Variants in LAMA3 observed in about 807,000 individuals in gnomAD.
LAMA3 encodes the protein laminin subunit alpha 3.
Under a neutral mutation model 402.0 loss-of-function variants are expected in LAMA3, and 281 were observed. That is an observed-to-expected ratio of 0.70 (90% CI 0.63 to 0.77). The LOEUF is 0.77. LAMA3 is among the 30% of genes least tolerant of loss of function. LAMA3 has a pLI of 0.00. For missense variants in LAMA3, 3,840 were observed against 4,215.5 expected, an observed-to-expected ratio of 0.91 and a Z score of 2.47; for synonymous variants, 1,431 against 1,558.4, an observed-to-expected ratio of 0.92 and a Z score of 1.93.
Position 23,689,555 on chromosome 18 carries a change from C to T in LAMA3, c.-129C>T. 1.1e-6 allele frequency: 1 copy of T among 921,384 alleles called. No individual in the cohort carries two copies. The highest frequency in any genetic ancestry group is 1.4e-6 in the Non-Finnish European group (1 of 709,912). The allele number at this position is 921,384 out of a possible 1,614,324, so 57.1% of individuals were successfully genotyped here. A position where few individuals can be genotyped will look rare whatever the true frequency, so the allele number is the denominator to read the frequency against. On this transcript the variant is annotated 5_prime_UTR_variant, in exon 1 of 75. Coordinates refer to ENST00000313654, the MANE Select transcript of LAMA3 (RefSeq NM_198129.4). ...CCAGCGCGTGGAGCAAGGGGAGCGG[C>T]CCCGGCGCCGCCCATATCCCCGGCT...
At chr18:23,943,440 G>A (rs1440386525) in intron 68 of LAMA3, among the ~76,000 whole-genome samples, 2 of 152,168 alleles carry the variant, frequency 1.3e-5, no homozygotes, top group Admixed American at 6.5e-5. Context: ...CACATTTTAG[G>A]TTAGCGTATT....
At chr18:23,933,971 C>T in intron 67 of LAMA3, 36 bp downstream of exon 67, 1 of 1,605,016 alleles carries the variant, frequency 6.2e-7, no homozygotes, top group East Asian at 2.2e-5. Context: ...TTTCCCTCTT[C>T]CCTGGAGGAT....
intron 12 of LAMA3, among the ~76,000 whole-genome samples, chr18:23,808,745 T>C (rs1266856691): frequency 1.3e-5 from 2 of 152,214 alleles, no homozygotes; most frequent in African/African-American, 4.8e-5. Context: ...TCGTTCACCA[T>C]CATTTACTAA....
Position 23,915,311 on chromosome 18 carries a change from C to A in LAMA3, c.7667C>A (p.Pro2556His). Residue 2556 changes from proline to histidine, a missense_variant, in exon 59 of 75, where the codon CCT (proline) becomes CAT (histidine). Physicochemically the swap from Pro to His is moderately conservative, Grantham distance 77 (BLOSUM62 -2). Transcript: ENST00000313654. ...CAGCTTCCCAGTCGACTAAGTTTCC[C>A]TCCATACAAAGGTTGTATTGAATTA... Reference protein sequence around the residue: ...DFKLPSRLSFPPYKGCIELDD... With the variant: ...DFKLPSRLSFHPYKGCIELDD... The A allele has an allele frequency of 6.2e-7, 1 of 1,613,634 alleles. No individual in the cohort carries two copies. Among genetic ancestry groups the A allele is most frequent in the South Asian group, 1.1e-5 (1 of 91,052 alleles).
At chr18:23,711,552 A>C (rs1203838482) in intron 1 of LAMA3, among the ~76,000 whole-genome samples, 2 of 152,224 alleles carry the variant, frequency 1.3e-5, no homozygotes, top group Non-Finnish European at 1.5e-5. Context: ...GTGATTATGC[A>C]TGGATGTATA....
intron 68 of LAMA3, among the ~76,000 whole-genome samples, chr18:23,941,326 G>GCCC (rs202068459): frequency 2.5e-4 from 10 of 40,054 alleles, no homozygotes; most frequent in South Asian, 5.9e-4. Context: ...TCAGCTTGGC[G>GCCC]CCCCCCCCCC....
intron 38 of LAMA3, among the ~76,000 whole-genome samples, chr18:23,875,053 T>C (rs1253286508): frequency 6.6e-6 from 1 of 152,112 alleles, no homozygotes; most frequent in Non-Finnish European, 1.5e-5. Context: ...TTGGTAGAGA[T>C]GAGGTTTCAC....
chr18:23,820,008 C>T lies in LAMA3; in HGVS notation c.2304+11C>T, dbSNP rs201601913. ...ATGACCTCAGTACAGGTACGCAACCCGAAGAGAGCAGCTTCATGGCTGAGT... is the reference window on the plus strand; with the variant it reads ...ATGACCTCAGTACAGGTACGCAACCTGAAGAGAGCAGCTTCATGGCTGAGT... On this transcript the variant is annotated intron_variant, in intron 19 of 74. Coordinates refer to ENST00000313654, the MANE Select transcript of LAMA3 (RefSeq NM_198129.4). 7.1e-5 allele frequency: 115 copies of T among 1,613,850 alleles called. 1 individual carries two copies. In the South Asian group the frequency reaches 1.0e-3, roughly 14 times the overall value.
intron 59 of LAMA3, among the ~76,000 whole-genome samples, chr18:23,916,285 C>T (rs1317003095): frequency 6.6e-6 from 1 of 152,128 alleles, no homozygotes; most frequent in Non-Finnish European, 1.5e-5. Context: ...CAGACCACAT[C>T]TTCCTAAGCA....
intron 12 of LAMA3, among the ~76,000 whole-genome samples, chr18:23,806,530 C>A (rs991428539): frequency 2.0e-5 from 3 of 152,246 alleles, no homozygotes; most frequent in Admixed American, 1.3e-4. Flanking sequence ...GCAGGGTTAA[C>A]CTGCTCAAAC....
intron 29 of LAMA3, among the ~76,000 whole-genome samples, chr18:23,844,473 C>G (rs1477845807): frequency 4.6e-5 from 7 of 152,184 alleles, no homozygotes; most frequent in Non-Finnish European, 1.0e-4. Context: ...CCCTGCTTAC[C>G]CTTAAGGTCC....
intron 1 of LAMA3, among the ~76,000 whole-genome samples, chr18:23,692,252 G>C (rs1211073847): frequency 3.3e-5 from 5 of 152,140 alleles, no homozygotes; most frequent in Admixed American, 2.6e-4. Context: ...CTAGTAGAAA[G>C]GTATTACGTT....
rs1380737608 is a variant in LAMA3 at position 23,928,204 on chromosome 18, T to C, written c.8259T>C (p.Thr2753=). The C allele has an allele frequency of 6.2e-7, 1 of 1,613,710 alleles. No individual in the cohort carries two copies. Among genetic ancestry groups the C allele is most frequent in the South Asian group, 1.1e-5 (1 of 91,076 alleles). The change falls in exon 63 of 75, where the codon ACT becomes ACC. Residue 2753 remains threonine, a synonymous_variant. Transcript: ENST00000313654. ...KTSGVVRLND[T]VGVTKKCSED... ...GTGGTGTCGTTAGATTGAATGATAC[T>C]GTGGGAGTAACCAAAAAGTGCTCGG...
chr18:23,842,834 A>G, intron 29 of LAMA3, 84 bp downstream of exon 29: 1 of 1,546,984 alleles, frequency 6.5e-7, no homozygotes. Flanking sequence ...CATGGAAATA[A>G]TTCTTCCAAG....
At chr18:23,690,198 C>T (rs572411699) in intron 1 of LAMA3, among the ~76,000 whole-genome samples, 1 of 152,284 alleles carries the variant, frequency 6.6e-6, no homozygotes, top group African/African-American at 2.4e-5. Flanking sequence ...GGGGAGCACG[C>T]GAGGTGACAT....
At chr18:23,702,619 G>A (rs908363573) in intron 1 of LAMA3, among the ~76,000 whole-genome samples, 4 of 152,276 alleles carry the variant, frequency 2.6e-5, no homozygotes, top group South Asian at 2.1e-4. Flanking sequence ...GAGCCACCAC[G>A]CCTAGCTTAA....
At chr18:23,848,332 A>G (rs2063868366) in intron 32 of LAMA3, among the ~76,000 whole-genome samples, 1 of 152,124 alleles carries the variant, frequency 6.6e-6, no homozygotes, top group South Asian at 2.1e-4. Context: ...CAGATGCTGC[A>G]TTGCTGAGAG....
intron 12 of LAMA3, among the ~76,000 whole-genome samples, chr18:23,808,576 T>C (rs1451023515): frequency 1.3e-5 from 2 of 152,178 alleles, no homozygotes; most frequent in Admixed American, 1.3e-4. Context: ...AGTGAAATGA[T>C]AGTAAATTCT....
intron 42 of LAMA3, among the ~76,000 whole-genome samples, chr18:23,892,842 G>A (rs1568307452): frequency 6.7e-6 from 1 of 148,184 alleles, no homozygotes; most frequent in African/African-American, 2.5e-5. Context: ...GGCAGAGGTT[G>A]CAGTGAGCTG....
Sources: allele counts gnomAD v4.1 joint callset (sites outside exome capture counted in the v4.1 genomes callset), GRCh38; gene constraint gnomAD v4.1.1; transcripts MANE v1.5; gene names NCBI Gene and HGNC (gene_info 2026-07-23, HGNC 2026-07-21).